Variants in MAF observed in about 807,000 individuals in gnomAD.
The protein encoded by MAF is MAF bZIP transcription factor.
Under a neutral mutation model 22.0 loss-of-function variants are expected in MAF, and 10 were observed. That is an observed-to-expected ratio of 0.45 (90% CI 0.28 to 0.77). The LOEUF (loss-of-function observed/expected upper bound fraction) is 0.77. Among genes scored for constraint, MAF ranks in the 30% least tolerant of loss-of-function variants. The pLI is 0.12. For synonymous variants in MAF, 337 were observed against 255.8 expected (o/e 1.32, Z -3.03); for missense variants, 544 against 548.4 (o/e 0.99, Z 0.08).
At chr16:79,550,944 T>C in the MAF span, among the ~76,000 whole-genome samples, 1 of 152,122 alleles carries the variant, frequency 6.6e-6, no homozygotes, top group Non-Finnish European at 1.5e-5. Flanking sequence ...TGCAGACTCT[T>C]TCCACCATAG....
At chr16:79,371,968 G>A in the MAF span, among the ~76,000 whole-genome samples, 798 of 152,160 alleles carry the variant, frequency 5.2e-3, 3 homozygotes, top group Non-Finnish European at 8.3e-3. Context: ...ACCTTAAAGT[G>A]TGGCCATGAA....
chr16:79,355,736 CT>C, the MAF span, among the ~76,000 whole-genome samples: 6 of 152,154 alleles, frequency 3.9e-5, no homozygotes, highest in African/African-American at 1.4e-4. Context: ...CCGTGTTGAA[CT>C]TTTGCAGGGA....
the MAF span, among the ~76,000 whole-genome samples, chr16:79,511,557 C>T: frequency 1.3e-5 from 2 of 152,156 alleles, no homozygotes; most frequent in Non-Finnish European, 2.9e-5. Flanking sequence ...CATTTAGAGC[C>T]AGGAGAGAGA....
chr16:79,232,298 G>C, the MAF span, among the ~76,000 whole-genome samples: 7 of 152,026 alleles, frequency 4.6e-5, no homozygotes, highest in African/African-American at 1.4e-4. Flanking sequence ...AATTTGGGGA[G>C]ATATGAATAT....
chr16:79,430,016 T>G, the MAF span, among the ~76,000 whole-genome samples: 15 of 152,162 alleles, frequency 9.9e-5, no homozygotes, highest in Non-Finnish European at 1.6e-4. Context: ...AGTTCTGGGC[T>G]GGGGACCAAA....
the MAF span, among the ~76,000 whole-genome samples, chr16:79,502,958 A>G: frequency 6.6e-6 from 1 of 151,762 alleles, no homozygotes; most frequent in East Asian, 1.9e-4. Context: ...ATTAAGCCTC[A>G]ATAATGTGGA....
At chr16:79,534,371 G>C in the MAF span, among the ~76,000 whole-genome samples, 1 of 152,142 alleles carries the variant, frequency 6.6e-6, no homozygotes, top group South Asian at 2.1e-4. Flanking sequence ...GGCCAGCTGG[G>C]CATCTGAATT....
the MAF span, chr16:79,211,576 ATTTT>A: frequency 1.3e-4 from 205 of 1,607,852 alleles, no homozygotes; most frequent in East Asian, 1.6e-4. Context: ...TTTTCTTAAA[ATTTT>A]TTTTTGTCTT....
the MAF span, among the ~76,000 whole-genome samples, chr16:79,359,748 G>C: frequency 2.0e-5 from 3 of 152,192 alleles, no homozygotes; most frequent in South Asian, 2.1e-4. Flanking sequence ...GGTAAGTGCA[G>C]AGTAGGACCA....
chr16:79,310,055 T>C, the MAF span, among the ~76,000 whole-genome samples: 1 of 152,008 alleles, frequency 6.6e-6, no homozygotes, highest in Non-Finnish European at 1.5e-5. Flanking sequence ...AAATATCAAA[T>C]CAAGAATGAA....
the MAF span, among the ~76,000 whole-genome samples, chr16:79,477,561 T>C: frequency 2.0e-5 from 3 of 152,178 alleles, no homozygotes; most frequent in East Asian, 1.9e-4. Context: ...ATGGTCACAG[T>C]TGCCTTATGA....
the MAF span, among the ~76,000 whole-genome samples, chr16:79,327,961 G>C: frequency 6.6e-6 from 1 of 152,148 alleles, no homozygotes. Context: ...TAGCTTTGCT[G>C]TTTCCTTAAT....
the MAF span, among the ~76,000 whole-genome samples, chr16:79,541,486 A>T: frequency 8.6e-5 from 13 of 152,012 alleles, no homozygotes; most frequent in Non-Finnish European, 1.5e-4. Flanking sequence ...AGAAAAAAAA[A>T]AAAAATAATA....
the MAF span, among the ~76,000 whole-genome samples, chr16:79,518,583 T>C: frequency 6.6e-6 from 1 of 152,230 alleles, no homozygotes; most frequent in African/African-American, 2.4e-5. Flanking sequence ...GAAAGTTACT[T>C]GGCCCCTTGG....
the MAF span, among the ~76,000 whole-genome samples, chr16:79,274,732 G>A: frequency 6.6e-6 from 1 of 152,296 alleles, no homozygotes; most frequent in Admixed American, 6.5e-5. Flanking sequence ...TGCCAAGTCA[G>A]GGCAGTCAGG....
the MAF span, among the ~76,000 whole-genome samples, chr16:79,507,048 T>G: frequency 6.6e-6 from 1 of 152,008 alleles, no homozygotes; most frequent in Non-Finnish European, 1.5e-5. Flanking sequence ...TCTGTCAACC[T>G]CTGCTGTTTG....
chr16:79,440,602 G>C, the MAF span, among the ~76,000 whole-genome samples: 1 of 151,946 alleles, frequency 6.6e-6, no homozygotes, highest in Admixed American at 6.6e-5. Flanking sequence ...TGCCCGGCTA[G>C]TTTTTGTATT....
At chr16:79,448,253 T>C in the MAF span, among the ~76,000 whole-genome samples, 2 of 152,060 alleles carry the variant, frequency 1.3e-5, no homozygotes, top group African/African-American at 2.4e-5. Flanking sequence ...TTGTAAGAAA[T>C]TGCTGCAGCC....
chr16:79,573,169 G>T, the MAF span, among the ~76,000 whole-genome samples: 1 of 152,102 alleles, frequency 6.6e-6, no homozygotes, highest in Non-Finnish European at 1.5e-5. Flanking sequence ...AAGGAAATTA[G>T]GTTTTTGACT....
Sources: gnomAD v4.1 joint callset for allele counts (sites outside exome capture counted in the v4.1 genomes callset) on GRCh38, gnomAD v4.1.1 for gene constraint, MANE v1.5 for transcripts, NCBI Gene and HGNC (gene_info 2026-07-23, HGNC 2026-07-21) for gene names.